The following RGS12 variants were observed in gnomAD, a reference collection of about 807,000 sequenced individuals.
The protein encoded by RGS12 is regulator of G-protein signaling 12.
RGS12 carries 66 observed loss-of-function variants against 120.1 expected under a neutral mutation model. The ratio of observed to expected loss-of-function variants is 0.55; its 90% CI spans 0.45 to 0.67. The LOEUF (loss-of-function observed/expected upper bound fraction) is 0.67. Ranked by LOEUF, RGS12 falls within the 30% of genes least tolerant of loss-of-function variation. The probability of loss-of-function intolerance (pLI) is 0.00; values close to 1 mark genes in which losing one functional copy is unlikely to be tolerated. For synonymous variants in RGS12, 827 were observed against 804.7 expected, an observed-to-expected ratio of 1.03 and a Z score of -0.47; for missense variants, 1,859 against 1,957.7, an observed-to-expected ratio of 0.95 and a Z score of 0.95.
intron 3 of RGS12, among the ~76,000 whole-genome samples, chr4:3,370,511 G>A (rs1422504127): frequency 2.0e-5 from 3 of 152,242 alleles, no homozygotes; most frequent in African/African-American, 7.2e-5. Flanking sequence ...CAGGCTCTGG[G>A]ACCGCAGCAC....
chr4:3,295,136 G>GAGGT (rs1017997069), intron 1 of RGS12, among the ~76,000 whole-genome samples: 1 of 152,160 alleles, frequency 6.6e-6, no homozygotes, highest in African/African-American at 2.4e-5. Context: ...GGGACTCAGT[G>GAGGT]AGGTCCTGGA....
chr4:3,321,706 A>C (rs1463001442), intron 2 of RGS12, among the ~76,000 whole-genome samples: 2 of 152,090 alleles, frequency 1.3e-5, no homozygotes, highest in African/African-American at 2.4e-5. Flanking sequence ...CAGCCACGTC[A>C]GCTCCTCCCC....
In RGS12 at chr4:3,423,509, C is replaced by G. The variant is rs751473505; in HGVS notation, c.3108-6C>G. The stretch of plus-strand genomic sequence containing the variant: ...GTTGGTAGTGAATTTTTTCATCCCC[C>G]ACCAGGCTGGATCTTGTTCCGATTA... On this transcript the variant is annotated splice_polypyrimidine_tract_variant and splice_region_variant and intron_variant, in intron 12 of 17. Transcript: ENST00000336727. The G allele has an allele frequency of 1.2e-6, 2 of 1,612,988 alleles. No homozygotes were observed. Among genetic ancestry groups the G allele is most frequent in the African/African-American group, 1.3e-5 (1 of 75,058 alleles).
intron 17 of RGS12, among the ~76,000 whole-genome samples, chr4:3,432,844 G>A (rs1012318319): frequency 6.6e-6 from 1 of 152,216 alleles, no homozygotes; most frequent in Non-Finnish European, 1.5e-5. Context: ...GGAGAAGGAG[G>A]TGGGAGTGGC....
At chr4:3,294,887 C>A (rs1723278104) in intron 1 of RGS12, among the ~76,000 whole-genome samples, 1 of 152,072 alleles carries the variant, frequency 6.6e-6, no homozygotes, top group African/African-American at 2.4e-5. Flanking sequence ...GAGGAAAGGC[C>A]CCTCACGTGG....
rs1723921590 is a variant in RGS12 at position 3,428,583 on chromosome 4, C to G, written c.3437C>G (p.Ser1146Cys). 1.2e-6 allele frequency: 2 copies of G among 1,600,800 alleles called. No individual in the cohort carries two copies. The highest frequency in any genetic ancestry group is 1.1e-5 in the South Asian group (1 of 87,668). Residue 1146 changes from serine to cysteine, a missense_variant, in exon 16 of 18, where the codon TCT becomes TGT. This residue lies in a region of RGS12 where 517 missense variants were observed against 488.5 expected (regional missense o/e 1.06). Transcript: ENST00000336727. ...ATGEERTLGKSNSIKIKGENG... is the reference protein window; with the variant it reads ...ATGEERTLGKCNSIKIKGENG... ...GGAGAGGAAAGAACACTAGGCAAGT[C>G]TAATTCTATTAAAATAAAAGGAGAA...
At chr4:3,405,257 G>A (rs1012822029) in intron 4 of RGS12, among the ~76,000 whole-genome samples, 1 of 152,168 alleles carries the variant, frequency 6.6e-6, no homozygotes, top group Non-Finnish European at 1.5e-5. Flanking sequence ...CCCTAGAAAC[G>A]ACAGCGGACA....
At chr4:3,309,521 T>C (rs1201460179) in intron 1 of RGS12, among the ~76,000 whole-genome samples, 2 of 113,222 alleles carry the variant, frequency 1.8e-5, no homozygotes, top group Non-Finnish European at 3.6e-5. Context: ...GCAGGTGTCC[T>C]CTGAGGAGAG....
intron 3 of RGS12, among the ~76,000 whole-genome samples, chr4:3,375,979 C>A (rs1052283609): frequency 9.8e-5 from 15 of 152,302 alleles, no homozygotes; most frequent in African/African-American, 7.2e-5. Flanking sequence ...TGAGACTGGG[C>A]GAGCTGAGGA....
rs1334932193 is a variant in RGS12 at position 3,342,987 on chromosome 4, G to A, written c.1932G>A (p.Thr644=). ...GACTCACTCAGCCTTCTCAACGCAC[G>A]TCTGCTCGGAGATCATTTGGGAGAT... ...GTGLTQPSQR[T]SARRSFGRSK... Residue 644 remains threonine, a synonymous_variant, in exon 3 of 18, where the codon ACG becomes ACA. Transcript: ENST00000336727. The A allele has an allele frequency of 7.4e-6, 12 of 1,613,738 alleles. No individual in the cohort carries two copies. The highest frequency in any genetic ancestry group is 4.0e-5 in the African/African-American group (3 of 74,894).
chr4:3,434,874 G>A (rs1358235132), intron 17 of RGS12, among the ~76,000 whole-genome samples: 1 of 152,242 alleles, frequency 6.6e-6, no homozygotes, highest in Non-Finnish European at 1.5e-5. Flanking sequence ...AGGGGTCCTG[G>A]CTGGGGGCTG....
chr4:3,290,009 G>C (rs1461620738), upstream of RGS12, among the ~76,000 whole-genome samples: 1 of 152,218 alleles, frequency 6.6e-6, no homozygotes, highest in African/African-American at 2.4e-5. Flanking sequence ...TAAGGCTCCA[G>C]AGTATTCAGT....
At position 3,366,274 on chromosome 4, in the gene RGS12, C is replaced by T. The variant is rs1425114426; in HGVS notation, c.1999-20142C>T. Among the ~76,000 whole-genome samples the T allele has an allele frequency of 3.9e-5, 6 of 152,068 alleles. No individual in the cohort carries two copies. Among genetic ancestry groups the T allele is most frequent in the Admixed American group, 1.3e-4 (2 of 15,280 alleles). On this transcript the variant is annotated intron_variant, in intron 3 of 17. Transcript: ENST00000336727. This position sits in a 1 kb window ranked among gnomAD's most constrained non-coding sequence, Gnocchi z 4.0. ...GCGGCCAGCTGTCTAGTTGGTTATG[C>T]GGGGTCAGGGGTGGAGGGCAGGAGG... is the stretch of plus-strand genomic sequence containing the variant.
chr4:3,382,307 C>T (rs1270267570), intron 3 of RGS12, among the ~76,000 whole-genome samples: 2 of 152,212 alleles, frequency 1.3e-5, no homozygotes, highest in Non-Finnish European at 2.9e-5. Context: ...CCCTCTCCTT[C>T]CCTGCCCTTC....
rs144799119 is a variant in RGS12, at chr4:3,408,276, G to A, written c.2021-5796G>A. Among the ~76,000 whole-genome samples the A allele has an allele frequency of 9.1e-4, 139 of 152,318 alleles. No homozygotes were observed. In the Middle Eastern group the frequency reaches 0.027, roughly 30 times the overall value. On this transcript the variant is annotated intron_variant, in intron 4 of 17. Coordinates refer to ENST00000336727, the MANE Select transcript of RGS12 (RefSeq NM_001394154.1). ...GTTCAAGGTCAGGCCTTCTGTGACT[G>A]TGCACTATTTTCCACGTGACGAGAA...
At chr4:3,404,473 AG>A (rs1437790932) in intron 4 of RGS12, among the ~76,000 whole-genome samples, 1 of 152,236 alleles carries the variant, frequency 6.6e-6, no homozygotes, top group East Asian at 1.9e-4. Flanking sequence ...CTGTCTGTGC[AG>A]GGGTGTGGGT....
At chr4:3,368,034 A>C (rs1333033859) in intron 3 of RGS12, among the ~76,000 whole-genome samples, 1 of 152,222 alleles carries the variant, frequency 6.6e-6, no homozygotes, top group African/African-American at 2.4e-5. Flanking sequence ...TCAGTTTAGC[A>C]CTTAGGTGAT....
At chr4:3,371,318 TC>T (rs1363043556) in intron 3 of RGS12, among the ~76,000 whole-genome samples, 1 of 152,192 alleles carries the variant, frequency 6.6e-6, no homozygotes, top group Non-Finnish European at 1.5e-5. Flanking sequence ...GGGAATGTGT[TC>T]CTGTAACCTC....
At chr4:3,340,618 G>A (rs985771212) in intron 2 of RGS12, among the ~76,000 whole-genome samples, 4 of 152,192 alleles carry the variant, frequency 2.6e-5, no homozygotes, top group African/African-American at 9.7e-5. Flanking sequence ...CTGCCATCAG[G>A]AGCAGAGACA....
Sources: gnomAD v4.1 joint callset for allele counts (sites outside exome capture counted in the v4.1 genomes callset) on GRCh38, gnomAD v4.1.1 for gene constraint, gnomAD v4.1.1 regional missense constraint, Gnocchi (gnomAD v3.1) non-coding constraint, MANE v1.5 for transcripts, NCBI Gene and HGNC (gene_info 2026-07-23, HGNC 2026-07-21) for gene names.